UNC80: variants seen among roughly 807,000 people sequenced by gnomAD.
UNC80 encodes the protein unc-80 subunit of NALCN channel complex.
Under a neutral mutation model 384.6 loss-of-function variants are expected in UNC80, and 164 were observed. The observed-to-expected ratio is 0.43, with a 90% CI of 0.38 to 0.49. The LOEUF is 0.49. UNC80 is among the 20% of genes least tolerant of loss of function. The probability of loss-of-function intolerance (pLI) is 0.00; values close to 1 mark genes in which losing one functional copy is unlikely to be tolerated. For synonymous variants in UNC80, 1,486 were observed against 1,527.8 expected, an observed-to-expected ratio of 0.97 and a Z score of 0.64; for missense variants, 3,330 against 4,143.0, an observed-to-expected ratio of 0.80 and a Z score of 5.39.
intron 47 of UNC80, among the ~76,000 whole-genome samples, chr2:209,949,275 A>G (rs781516368): frequency 2.1e-4 from 32 of 152,176 alleles, no homozygotes; most frequent in Non-Finnish European, 3.4e-4. Context: ...ATACTTAAAA[A>G]AGTTACAAGT....
chr2:209,789,034 A>G (rs899924515), intron 5 of UNC80, among the ~76,000 whole-genome samples: 2 of 152,192 alleles, frequency 1.3e-5, no homozygotes, highest in African/African-American at 4.8e-5. Flanking sequence ...ATACAGTAAC[A>G]TACTGTACAG....
At chr2:209,827,291 C>A (rs966974883) in intron 14 of UNC80, among the ~76,000 whole-genome samples, 2 of 151,972 alleles carry the variant, frequency 1.3e-5, no homozygotes, top group Non-Finnish European at 2.9e-5. Flanking sequence ...CACATCACTC[C>A]CCATGCAGAA....
chr2:209,913,224 T>A (rs2089154697), intron 30 of UNC80, among the ~76,000 whole-genome samples: 1 of 152,300 alleles, frequency 6.6e-6, no homozygotes, highest in African/African-American at 2.4e-5. Context: ...CCCAAAAAAA[T>A]TGTTCATATT....
intron 47 of UNC80, among the ~76,000 whole-genome samples, chr2:209,949,179 A>C (rs376789078): frequency 6.6e-6 from 1 of 152,278 alleles, no homozygotes; most frequent in South Asian, 2.1e-4. Context: ...TTATCTAATG[A>C]ATTTTATTGC....
Position 209,820,568 on chromosome 2 carries a change from TGGA to T in UNC80, c.2225_2227del (p.Gly742del). On this transcript the variant is annotated inframe_deletion, in exon 13 of 65. Transcript: ENST00000673920. ...CTGCTGTTAGTGGAGCTGGAGATGG[TGGA>T]GGAGAAGAAGGAGGAGGTGGAGATG... 3 of 1,550,950 alleles carry T rather than the reference TGGA, an allele frequency of 1.9e-6. No individual in the cohort carries two copies. Among genetic ancestry groups the T allele is most frequent in the Non-Finnish European group, 2.6e-6 (3 of 1,146,830 alleles).
intron 33 of UNC80, among the ~76,000 whole-genome samples, chr2:209,920,698 G>A (rs1387390544): frequency 6.6e-6 from 1 of 152,066 alleles, no homozygotes; most frequent in Non-Finnish European, 1.5e-5. Context: ...TGTTTATAGT[G>A]TGACAAATAC....
intron 33 of UNC80, 99 bp downstream of exon 33, chr2:209,918,762 T>C: frequency 7.6e-7 from 1 of 1,321,946 alleles, no homozygotes; most frequent in Non-Finnish European, 1.0e-6. Context: ...AATGTAATAA[T>C]AACACAGAAA....
At chr2:209,812,528 TTGTA>T (rs1435290608) in intron 7 of UNC80, among the ~76,000 whole-genome samples, 4 of 152,142 alleles carry the variant, frequency 2.6e-5, no homozygotes, top group African/African-American at 9.7e-5. Context: ...TGAGAGCACT[TTGTA>T]TGTGGGTAGC....
chr2:209,952,503 A>G (rs1198292621), intron 47 of UNC80, among the ~76,000 whole-genome samples: 1 of 152,198 alleles, frequency 6.6e-6, no homozygotes, highest in African/African-American at 2.4e-5. Context: ...CCTCGCAATT[A>G]TGAGGCTACT....
chr2:209,923,500 T>C (rs890955056), intron 35 of UNC80, among the ~76,000 whole-genome samples: 1 of 152,176 alleles, frequency 6.6e-6, no homozygotes, highest in African/African-American at 2.4e-5. Flanking sequence ...TTGGCACCTT[T>C]GTCAAAAAGC....
chr2:209,858,876 T>A, intron 22 of UNC80, among the ~76,000 whole-genome samples: 1 of 152,130 alleles, frequency 6.6e-6, no homozygotes, highest in Non-Finnish European at 1.5e-5. Flanking sequence ...TGTGTGTGCA[T>A]GTGTGTGTTT....
In UNC80 at chr2:209,921,687, G is replaced by T; in HGVS notation, c.5530+1G>T. The T allele has an allele frequency of 3.2e-6, 5 of 1,548,908 alleles. No individual in the cohort carries two copies. Among genetic ancestry groups the T allele is most frequent in the Non-Finnish European group, 4.4e-6 (5 of 1,145,872 alleles). ...CCCAACTCAGAACCGGAAGAAGAAG[G>T]TGCCCTCTGCACACAGGACTTCTTG... On this transcript the variant is annotated splice_donor_variant, in intron 34 of 64. Transcript: ENST00000673920. LOFTEE classifies it high-confidence loss of function.
intron 23 of UNC80, 130 bp downstream of exon 23, chr2:209,873,100 C>T (rs574934531): frequency 2.4e-6 from 2 of 824,858 alleles, no homozygotes; most frequent in South Asian, 3.6e-5. Flanking sequence ...GAAGGAAACA[C>T]TTTGGGAAAA....
intron 52 of UNC80, chr2:209,969,260 G>T (rs2092815866): frequency 6.5e-6 from 1 of 153,430 alleles, no homozygotes; most frequent in Non-Finnish European, 1.5e-5. Context: ...TACATATCAT[G>T]TCTTGGGAGG....
intron 8 of UNC80, among the ~76,000 whole-genome samples, chr2:209,814,278 C>T (rs2079571174): frequency 1.3e-5 from 2 of 152,004 alleles, no homozygotes; most frequent in South Asian, 2.1e-4. Flanking sequence ...CTCTGTCGCC[C>T]AGGCTGGGGT....
intron 47 of UNC80, among the ~76,000 whole-genome samples, chr2:209,950,288 A>G (rs2092109839): frequency 2.0e-5 from 3 of 152,148 alleles, no homozygotes; most frequent in Admixed American, 6.5e-5. Context: ...TATTTAATTT[A>G]AGTACCTAAA....
intron 40 of UNC80, among the ~76,000 whole-genome samples, chr2:209,936,533 A>G (rs1173927490): frequency 6.6e-6 from 1 of 152,298 alleles, no homozygotes; most frequent in Non-Finnish European, 1.5e-5. Context: ...TTTGGGCACT[A>G]TGAGATCAGA....
At chr2:209,950,302 A>G (rs1405604471) in intron 47 of UNC80, among the ~76,000 whole-genome samples, 1 of 152,104 alleles carries the variant, frequency 6.6e-6, no homozygotes, top group Non-Finnish European at 1.5e-5. Flanking sequence ...ACCTAAATTT[A>G]TTGACAGAAA....
At position 209,831,576 on chromosome 2, in the gene UNC80, C is replaced by T. The variant is rs1336136059; in HGVS notation, c.2760C>T (p.His920=). The T allele has an allele frequency of 1.0e-5, 16 of 1,545,902 alleles. No individual in the cohort carries two copies. The highest frequency in any genetic ancestry group is 1.4e-5 in the Non-Finnish European group (16 of 1,144,368). The change falls in exon 16 of 65, where the codon CAC becomes CAT. Residue 920 remains histidine (H), a synonymous_variant. Coordinates refer to ENST00000673920, the MANE Select transcript of UNC80 (RefSeq NM_001371986.1). The part of the protein sequence containing the change: ...TRCASTTHEL[H]SPENLGLYCD... ...GCGCTTCAACCACACATGAATTGCACAGCCCTGAGAATCTGGTGAGAAGCT... is the reference window on the plus strand; with the variant it reads ...GCGCTTCAACCACACATGAATTGCATAGCCCTGAGAATCTGGTGAGAAGCT...
Sources: allele counts gnomAD v4.1 joint callset (sites outside exome capture counted in the v4.1 genomes callset), GRCh38; gene constraint gnomAD v4.1.1; transcripts MANE v1.5; gene names NCBI Gene and HGNC (gene_info 2026-07-23, HGNC 2026-07-21).